The following KIAA0513 variants were observed in gnomAD, a reference collection of about 807,000 sequenced individuals.
KIAA0513 encodes the protein uncharacterized protein KIAA0513.
Under a neutral mutation model 56.5 loss-of-function variants are expected in KIAA0513, and 39 were observed. The ratio of observed to expected loss-of-function variants is 0.69; its 90% CI spans 0.53 to 0.90. The LOEUF is 0.90. KIAA0513 is among the 40% of genes least tolerant of loss of function. KIAA0513 has a pLI of 0.00. For missense variants in KIAA0513, 591 were observed against 535.2 expected (o/e 1.10, Z -1.03); for synonymous variants, 268 against 215.6 (o/e 1.24, Z -2.13).
chr16:85,075,791 A>G lies in KIAA0513; in HGVS notation c.504-53A>G, dbSNP rs1030379009. The G allele has an allele frequency of 2.7e-5, 41 of 1,539,778 alleles. No individual in the cohort carries two copies. In the Middle Eastern group the frequency reaches 3.9e-3, roughly 148 times the overall value. ...TCTCAGTGATGTCTGACCGACTTGC[A>G]GGAAGAAGCAGGTGGAGCGATCTTT... On this transcript the variant is annotated intron_variant, in intron 4 of 12. Coordinates refer to ENST00000683363, the MANE Select transcript of KIAA0513 (RefSeq NM_001388359.1).
chr16:85,082,739 G>A lies in KIAA0513; in HGVS notation c.1010+146G>A, dbSNP rs1597646482. The A allele has an allele frequency of 3.2e-5, 26 of 800,514 alleles. No homozygotes were observed. The South Asian group carries it at 3.5e-4, about 11-fold the overall frequency. The allele number at this position is 800,514 out of a possible 1,614,324, so 49.6% of individuals were successfully genotyped here. A position where few individuals can be genotyped will look rare whatever the true frequency, so the allele number is the denominator to read the frequency against. ...CAGCCTGGTGGCCGGCGGGGAGGGC[G>A]GCCCTGGGGAGGTGAGGCCAGCGCT... On this transcript the variant is annotated intron_variant, in intron 10 of 12. Transcript: ENST00000683363.
At chr16:85,036,411 G>A (rs1206646552) in intron 1 of KIAA0513, among the ~76,000 whole-genome samples, 4 of 152,128 alleles carry the variant, frequency 2.6e-5, no homozygotes, top group Non-Finnish European at 4.4e-5. Context: ...TGGACATTTC[G>A]TAAACCTGGA....
At chr16:85,045,225 G>A (rs1218468542) in intron 1 of KIAA0513, among the ~76,000 whole-genome samples, 2 of 152,196 alleles carry the variant, frequency 1.3e-5, no homozygotes, top group Non-Finnish European at 2.9e-5. Flanking sequence ...TGCTGTGAAA[G>A]AGCAGGTGAA....
chr16:85,060,767 A>G (rs2073392589), intron 1 of KIAA0513, among the ~76,000 whole-genome samples: 1 of 151,918 alleles, frequency 6.6e-6, no homozygotes, highest in Admixed American at 6.6e-5. Flanking sequence ...TCACTTGAGC[A>G]CAGGAGGTCA....
intron 10 of KIAA0513, among the ~76,000 whole-genome samples, chr16:85,086,407 G>A (rs1161858933): frequency 2.0e-5 from 3 of 152,238 alleles, no homozygotes; most frequent in South Asian, 4.1e-4. Context: ...TCATTTCCAC[G>A]TCTCTTTATC....
rs112419510 is a variant in KIAA0513 at position 85,076,986 on chromosome 16, C to T, written c.575-439C>T. ...CCAGGGCCTCATGTCCATCCACTGG[C>T]TAAGGGAGTTTGGGTGCTGCCCAGA... On this transcript the variant is annotated intron_variant, in intron 5 of 12. Transcript: ENST00000683363. The surrounding 1 kb of genome is among the most constrained non-coding windows in gnomAD (Gnocchi z 4.7). Among the ~76,000 whole-genome samples the T allele has an allele frequency of 6.6e-6, 1 of 152,130 alleles. No homozygotes were observed. The highest frequency in any genetic ancestry group is 2.4e-5 in the African/African-American group (1 of 41,438).
At chr16:85,029,974 G>T (rs1017577667) in intron 1 of KIAA0513, among the ~76,000 whole-genome samples, 1 of 152,172 alleles carries the variant, frequency 6.6e-6, no homozygotes, top group African/African-American at 2.4e-5. Flanking sequence ...TAACCCAACC[G>T]TCTGACGCTG....
At chr16:85,044,033 G>A (rs1597596808) in intron 1 of KIAA0513, among the ~76,000 whole-genome samples, 2 of 151,908 alleles carry the variant, frequency 1.3e-5, no homozygotes, top group South Asian at 4.1e-4. Flanking sequence ...TCAGTCTCAA[G>A]AGAAAAAAAA....
chr16:85,065,939 G>A (rs1163566228), intron 1 of KIAA0513, among the ~76,000 whole-genome samples: 3 of 152,166 alleles, frequency 2.0e-5, no homozygotes, highest in African/African-American at 4.8e-5. Flanking sequence ...TTCACAATCC[G>A]GTCTGTTCCT....
chr16:85,032,034 C>T (rs769795682), intron 1 of KIAA0513, among the ~76,000 whole-genome samples: 1 of 152,124 alleles, frequency 6.6e-6, no homozygotes, highest in Admixed American at 6.6e-5. Context: ...CTTAAAGCAA[C>T]CGAAATTTAT....
At chr16:85,064,255 C>T (rs2143995641) in intron 1 of KIAA0513, among the ~76,000 whole-genome samples, 1 of 152,214 alleles carries the variant, frequency 6.6e-6, no homozygotes, top group South Asian at 2.1e-4. Context: ...ATCCACCCGC[C>T]TCAGCCTCCC....
chr16:85,082,296 C>T (rs1387763447), intron 9 of KIAA0513, among the ~76,000 whole-genome samples: 1 of 152,118 alleles, frequency 6.6e-6, no homozygotes, highest in Non-Finnish European at 1.5e-5. Context: ...GGGAAAGACG[C>T]TGAGACTGCC....
chr16:85,056,702 C>G (rs1281627290), intron 1 of KIAA0513, among the ~76,000 whole-genome samples: 1 of 152,112 alleles, frequency 6.6e-6, no homozygotes, highest in Non-Finnish European at 1.5e-5. Flanking sequence ...TATTTAGATG[C>G]TTGTCTTCTT....
chr16:85,035,704 C>T (rs537277980), intron 1 of KIAA0513, among the ~76,000 whole-genome samples: 5 of 152,100 alleles, frequency 3.3e-5, no homozygotes, highest in South Asian at 2.1e-4. Flanking sequence ...CTTGGCTGGG[C>T]GCGGTGGCTC....
chr16:85,054,781 C>T (rs1443312020), intron 1 of KIAA0513, among the ~76,000 whole-genome samples: 4 of 151,718 alleles, frequency 2.6e-5, no homozygotes, highest in African/African-American at 4.8e-5. Context: ...TGTGCCCTTC[C>T]CAGAATGTGC....
intron 1 of KIAA0513, among the ~76,000 whole-genome samples, chr16:85,066,054 C>G (rs947908184): frequency 1.3e-5 from 2 of 152,218 alleles, no homozygotes; most frequent in African/African-American, 4.8e-5. Flanking sequence ...GGGGCGTATA[C>G]TTTACGGGTA....
At chr16:85,032,103 C>T (rs1455803541) in intron 1 of KIAA0513, among the ~76,000 whole-genome samples, 2 of 152,184 alleles carry the variant, frequency 1.3e-5, no homozygotes, top group Non-Finnish European at 2.9e-5. Flanking sequence ...CTGGTTCCTT[C>T]TTGGGGACTC....
In KIAA0513 at chr16:85,089,401, C is replaced by G. The variant is rs1365805834; in HGVS notation, c.*1076C>G. ...CAGACCTTTGTAGCTCCTCCAGCCT[C>G]TGCAGAGACTCCCTTCACCTCGCAC... On this transcript the variant is annotated 3_prime_UTR_variant, in exon 13 of 13. Coordinates refer to ENST00000683363, the MANE Select transcript of KIAA0513 (RefSeq NM_001388359.1). This position sits in a 1 kb window ranked among gnomAD's most constrained non-coding sequence, Gnocchi z 4.2. The G allele has an allele frequency of 6.5e-6, 1 of 153,050 alleles. No individual in the cohort carries two copies. Among genetic ancestry groups the G allele is most frequent in the Non-Finnish European group, 1.5e-5 (1 of 68,722 alleles). The allele number at this position is 153,050 out of a possible 1,614,324, so 9.5% of individuals were successfully genotyped here. A position where few individuals can be genotyped will look rare whatever the true frequency, so the allele number is the denominator to read the frequency against.
At chr16:85,086,237 C>T (rs1338663501) in intron 10 of KIAA0513, among the ~76,000 whole-genome samples, 1 of 152,238 alleles carries the variant, frequency 6.6e-6, no homozygotes, top group Non-Finnish European at 1.5e-5. Flanking sequence ...TGTCCTGGGA[C>T]GTTGGGCAGG....
Sources: allele counts gnomAD v4.1 joint callset (sites outside exome capture counted in the v4.1 genomes callset), GRCh38; gene constraint gnomAD v4.1.1; non-coding constraint Gnocchi (gnomAD v3.1); transcripts MANE v1.5; gene names NCBI Gene and HGNC (gene_info 2026-07-23, HGNC 2026-07-21).